SLC26A1: variants seen among roughly 807,000 people sequenced by gnomAD.
SLC26A1 encodes the protein solute carrier family 26 member 1.
In SLC26A1, 18 loss-of-function variants were observed where a neutral mutation model predicts 14.5. The observed-to-expected ratio is 1.24, with a 90% CI of 0.86 to 1.84. SLC26A1 has a LOEUF of 1.84. Among genes scored for constraint, SLC26A1 ranks in the 40% most tolerant of loss-of-function variants. The probability of loss-of-function intolerance (pLI) is 0.00; values close to 1 mark genes in which losing one functional copy is unlikely to be tolerated. For missense variants in SLC26A1, 1,049 were observed against 1,020.0 expected (o/e 1.03, Z -0.39); for synonymous variants, 505 against 492.0 (o/e 1.03, Z -0.35).
rs746445576 is a variant in SLC26A1 at position 988,853 on chromosome 4, C to T, written c.2086G>A (p.Ala696Thr). ...TARARHRELEATDAHL is the reference protein window; with the variant it reads ...TARARHRELETTDAHL ...CCCTGCTACAGATGGGCATCGGTGG[C>T]CTCCAGCTCCCTGTGGCGGGCTCGT... Residue 696 changes from alanine to threonine, a missense_variant, in exon 3 of 3, where the codon GCC becomes ACC. Transcript: ENST00000398516. 1 of 1,603,218 alleles carries T rather than the reference C, an allele frequency of 6.2e-7. No individual in the cohort carries two copies. Among genetic ancestry groups the T allele is most frequent in the South Asian group, 1.1e-5 (1 of 89,728 alleles).
Position 989,531 on chromosome 4 carries a change from C to T in SLC26A1, c.1408G>A (p.Asp470Asn), listed in dbSNP as rs761551192. The T allele has an allele frequency of 6.4e-6, 10 of 1,557,742 alleles. No homozygotes were observed. Among genetic ancestry groups the T allele is most frequent in the Admixed American group, 5.8e-5 (3 of 52,140 alleles). Residue 470 changes from aspartate (D) to asparagine (N), a missense_variant, in exon 3 of 3, where the codon GAC becomes AAC. Coordinates refer to ENST00000398516, the MANE Select transcript of SLC26A1 (RefSeq NM_022042.4). ...LPRLWRMSPA[D>N]ALVWAGTAAT... is the part of the protein sequence containing the mutation. ...GCGGTGCCTGCCCAGACCAGCGCGT[C>T]AGCCGGGCTCATCCGCCACAGCCGC... is the stretch of plus-strand genomic sequence containing the variant.
chr4:982,947 A>G (rs1713590456), downstream of SLC26A1, among the ~76,000 whole-genome samples: 1 of 152,230 alleles, frequency 6.6e-6, no homozygotes, highest in Non-Finnish European at 1.5e-5. Flanking sequence ...GGATAACTAG[A>G]ATCATCTCTA....
rs751808937 is a variant in SLC26A1 at position 990,135 on chromosome 4, C to T, written c.804G>A (p.Thr268=). 1.6e-5 allele frequency: 25 copies of T among 1,571,836 alleles called. No homozygotes were observed. The highest frequency in any genetic ancestry group is 1.2e-4 in the South Asian group (10 of 85,866). Residue 268 remains threonine, a synonymous_variant, in exon 3 of 3, where the codon ACG becomes ACA. Coordinates refer to ENST00000398516, the MANE Select transcript of SLC26A1 (RefSeq NM_022042.4). Reference sequence around the variant, plus strand: ...CGGCTAGCAGCACCGCCAGGCACACCGTGCTGGTGACCACGTCGCACACGT... The same window carrying T: ...CGGCTAGCAGCACCGCCAGGCACACTGTGCTGGTGACCACGTCGCACACGT... ...QANVCDVVTS[T]VCLAVLLAAK...
intron 1 of SLC26A1, 60 bp from the exon 2 acceptor site, chr4:991,790 G>A (rs545058655): frequency 1.3e-6 from 2 of 1,530,958 alleles, no homozygotes; most frequent in African/African-American, 2.7e-5. Context: ...AAACGACAAG[G>A]TCCCCGGCAG....
chr4:987,951 T>TGGGCGGC lies in SLC26A1; in HGVS notation c.*875_*881dup. The TGGGCGGC allele has an allele frequency of 6.4e-7, 1 of 1,570,654 alleles. No homozygotes were observed. Among genetic ancestry groups the TGGGCGGC allele is most frequent in the South Asian group, 1.2e-5 (1 of 86,344 alleles). ...GCTGCTGGAGCTTGTCACCACCAGGTGGGCGGCGGGCAGGGTCTGGGCGTC... is the reference window on the plus strand; with the variant it reads ...GCTGCTGGAGCTTGTCACCACCAGGTGGGCGGCGGGCGGCGGGCAGGGTCTGGGCGTC... On this transcript the variant is annotated 3_prime_UTR_variant, in exon 3 of 3. Coordinates refer to ENST00000398516, the MANE Select transcript of SLC26A1 (RefSeq NM_022042.4).
chr4:981,338 G>A (rs1203415950), intron 2 of SLC26A1, among the ~76,000 whole-genome samples: 6 of 152,304 alleles, frequency 3.9e-5, no homozygotes, highest in South Asian at 2.1e-4. Context: ...CCAGCCAGGC[G>A]TGGTGGCTCA....
At chr4:979,683 C>A (rs1320508284) in intron 2 of SLC26A1, among the ~76,000 whole-genome samples, 1 of 152,230 alleles carries the variant, frequency 6.6e-6, no homozygotes, top group East Asian at 1.9e-4. Flanking sequence ...GGCTTAGCAC[C>A]TTTTACAAAA....
At position 988,879 on chromosome 4, in the gene SLC26A1, G is replaced by A; in HGVS notation, c.2060C>T (p.Ala687Val). 6.3e-7 allele frequency: 1 copy of A among 1,599,768 alleles called. No homozygotes were observed. Among genetic ancestry groups the A allele is most frequent in the Non-Finnish European group, 8.5e-7 (1 of 1,173,790 alleles). ...CTCCAGCTCCCTGTGGCGGGCTCGT[G>A]CTGTCTGCACGGCATCGTGCACACT... is the stretch of plus-strand genomic sequence containing the variant. ...FLSVHDAVQT[A>V]RARHRELEAT... Residue 687 changes from alanine to valine, a missense_variant, in exon 3 of 3, where the codon GCA (alanine) becomes GTA (valine). Physicochemically the swap from Ala to Val is moderately conservative, Grantham distance 64. Transcript: ENST00000398516.
downstream of SLC26A1, among the ~76,000 whole-genome samples, chr4:984,157 G>A (rs147490649): frequency 7.6e-4 from 116 of 152,304 alleles, no homozygotes; most frequent in African/African-American, 2.6e-3. Context: ...AAACCAATTC[G>A]TTATCAGCTT....
downstream of SLC26A1, among the ~76,000 whole-genome samples, chr4:983,454 C>T (rs1464646766): frequency 6.6e-6 from 1 of 152,246 alleles, no homozygotes; most frequent in African/African-American, 2.4e-5. Flanking sequence ...ACCCCTATTC[C>T]GGGGCGTTGT....
intron 2 of SLC26A1, among the ~76,000 whole-genome samples, chr4:982,080 A>G (rs1713561280): frequency 6.6e-6 from 1 of 151,302 alleles, no homozygotes. Flanking sequence ...CGGCCTCCCA[A>G]AGTGCTGGTA....
At chr4:983,450 A>G (rs1250241832), downstream of SLC26A1, among the ~76,000 whole-genome samples, 1 of 152,204 alleles carries the variant, frequency 6.6e-6, no homozygotes, top group Non-Finnish European at 1.5e-5. Context: ...TCAGACCCCT[A>G]TTCCGGGGCG....
At position 990,568 on chromosome 4, in the gene SLC26A1, C is replaced by G. The variant is rs929470062; in HGVS notation, c.577-206G>C. On this transcript the variant is annotated intron_variant, in intron 2 of 2. Transcript: ENST00000398516. ...TCATGCCCGCAGACAACTGTGACAT[C>G]CACGTGAGCATCACACGTGCACACA... 127 of 597,476 alleles carry G rather than the reference C, an allele frequency of 2.1e-4. 1 individual carries two copies. In the South Asian group the frequency reaches 2.4e-3, roughly 11 times the overall value. 37.0% of individuals were successfully genotyped at this position (597,476 alleles called of 1,614,324 possible).
At chr4:986,041 C>T (rs79012420), downstream of SLC26A1, among the ~76,000 whole-genome samples, 101 of 152,166 alleles carry the variant, frequency 6.6e-4, 2 homozygotes, top group East Asian at 0.016. Flanking sequence ...ACCTCAATTT[C>T]GTGGGTAGCT....
At chr4:981,492 A>C (rs1713539916) in intron 2 of SLC26A1, among the ~76,000 whole-genome samples, 1 of 146,376 alleles carries the variant, frequency 6.8e-6, no homozygotes, top group African/African-American at 2.4e-5. Flanking sequence ...ATCAATCAAT[A>C]ATTAGCCAGG....
At chr4:984,799 C>T (rs1227319329), downstream of SLC26A1, among the ~76,000 whole-genome samples, 1 of 151,858 alleles carries the variant, frequency 6.6e-6, no homozygotes, top group Non-Finnish European at 1.5e-5. Flanking sequence ...AGTGAGACTT[C>T]GTTTAAAAAA....
At position 991,565 on chromosome 4, in the gene SLC26A1, G is replaced by C. The variant is rs199753982; in HGVS notation, c.139C>G (p.Arg47Gly). ...CSCSCSVLCV[R>G]ALVQDLLPAT... Reference sequence around the variant, plus strand: ...GGGAGCAGGTCCTGCACCAGCGCCCGGACGCACAGCACACTGCACGAGCAG... The same window carrying C: ...GGGAGCAGGTCCTGCACCAGCGCCCCGACGCACAGCACACTGCACGAGCAG... The change falls in exon 2 of 3, where the codon CGG becomes GGG. Residue 47 changes from arginine to glycine, a missense_variant. Physicochemically the swap from Arg to Gly is moderately radical, Grantham distance 125. Coordinates refer to ENST00000398516, the MANE Select transcript of SLC26A1 (RefSeq NM_022042.4). The C allele has an allele frequency of 1.2e-6, 2 of 1,603,252 alleles. No individual in the cohort carries two copies. Among genetic ancestry groups the C allele is most frequent in the Admixed American group, 1.7e-5 (1 of 59,732 alleles).
intron 2 of SLC26A1, among the ~76,000 whole-genome samples, chr4:982,450 A>G (rs1713572924): frequency 6.6e-6 from 1 of 152,182 alleles, no homozygotes. Context: ...GAGCGAAGAG[A>G]AATGGGTGCG....
At chr4:981,350 G>A (rs1014090277) in intron 2 of SLC26A1, among the ~76,000 whole-genome samples, 3 of 152,188 alleles carry the variant, frequency 2.0e-5, no homozygotes, top group Non-Finnish European at 2.9e-5. Flanking sequence ...GGTGGCTCAT[G>A]CCTGTAATCC....
Sources: gnomAD v4.1 joint callset for allele counts (sites outside exome capture counted in the v4.1 genomes callset) on GRCh38, gnomAD v4.1.1 for gene constraint, MANE v1.5 for transcripts, NCBI Gene and HGNC (gene_info 2026-07-23, HGNC 2026-07-21) for gene names.